The following CPSF4 variants were observed in gnomAD, a reference collection of about 807,000 sequenced individuals.
The protein encoded by CPSF4 is cleavage and polyadenylation specificity factor subunit 4.
A neutral mutation model predicts 37.7 loss-of-function variants in CPSF4; 11 were observed. The ratio of observed to expected loss-of-function variants is 0.29; its 90% CI spans 0.18 to 0.48. The LOEUF is 0.48. Among genes scored for constraint, CPSF4 ranks in the 20% least tolerant of loss-of-function variants. The pLI is 0.99. For synonymous variants in CPSF4, 132 were observed against 135.9 expected (o/e 0.97, Z 0.20); for missense variants, 144 against 359.5 (o/e 0.40, Z 4.85).
chr7:99,447,271 C>CTT (rs1351325327), intron 2 of CPSF4, among the ~76,000 whole-genome samples: 3 of 107,154 alleles, frequency 2.8e-5, no homozygotes, highest in South Asian at 2.6e-4. Context: ...TTTTTTTTTT[C>CTT]TTTTTTTTTT....
chr7:99,445,304 AC>A (rs776549367), intron 2 of CPSF4, among the ~76,000 whole-genome samples: 44 of 152,158 alleles, frequency 2.9e-4, no homozygotes, highest in Admixed American at 1.4e-3. Context: ...CACAGACTAC[AC>A]AAAACTACTG....
Position 99,439,007 on chromosome 7 carries a change from G to C in CPSF4, c.-76G>C. The stretch of plus-strand genomic sequence containing the variant: ...AGCGAAGGAGGAGTGTGTGCGGCGG[G>C]GCCGGCGGCGGGTAAAGGCGAGAAG... On this transcript the variant is annotated 5_prime_UTR_variant, in exon 1 of 8. Transcript: ENST00000292476. 2 of 1,438,514 alleles carry C rather than the reference G, an allele frequency of 1.4e-6. No homozygotes were observed. The highest frequency in any genetic ancestry group is 1.3e-5 in the South Asian group (1 of 76,614). 89.1% of individuals were successfully genotyped at this position (1,438,514 alleles called of 1,614,324 possible).
In CPSF4 at chr7:99,448,043, A is replaced by T; in HGVS notation, c.155-78A>T. 1 of 1,473,078 alleles carries T rather than the reference A, an allele frequency of 6.8e-7. No individual in the cohort carries two copies. Among genetic ancestry groups the T allele is most frequent in the Non-Finnish European group, 9.3e-7 (1 of 1,070,614 alleles). The allele number at this position is 1,473,078 out of a possible 1,614,324, so 91.3% of individuals were successfully genotyped here. A position where few individuals can be genotyped will look rare whatever the true frequency, so the allele number is the denominator to read the frequency against. On this transcript the variant is annotated intron_variant, in intron 2 of 7. Coordinates refer to ENST00000292476, the MANE Select transcript of CPSF4 (RefSeq NM_006693.4). The surrounding 1 kb of genome is among the most constrained non-coding windows in gnomAD (Gnocchi z 4.4). ...GCTCCAGGAGTTAGGAAGTGAAGGT[A>T]CCTCAGCTTCTTCAGGCCGTGTCCC...
At chr7:99,446,920 G>T (rs1006762903) in intron 2 of CPSF4, among the ~76,000 whole-genome samples, 7 of 151,250 alleles carry the variant, frequency 4.6e-5, no homozygotes, top group Non-Finnish European at 8.8e-5. Context: ...CTCCTGAGTA[G>T]CTGGGATTAC....
chr7:99,448,420 C>T lies in CPSF4; in HGVS notation c.307+147C>T. 2.5e-6 allele frequency: 2 copies of T among 793,024 alleles called. No individual in the cohort carries two copies. Among genetic ancestry groups the T allele is most frequent in the Non-Finnish European group, 3.8e-6 (2 of 524,666 alleles). The allele number at this position is 793,024 out of a possible 1,614,324, so 49.1% of individuals were successfully genotyped here. On this transcript the variant is annotated intron_variant, in intron 3 of 7. Coordinates refer to ENST00000292476, the MANE Select transcript of CPSF4 (RefSeq NM_006693.4). The surrounding 1 kb of genome is among the most constrained non-coding windows in gnomAD (Gnocchi z 4.4). ...TCTGGCAGAACCTGCCAGCCTCAGC[C>T]AGCTTTTAGGGGACAGTGTGGCTAT...
chr7:99,442,240 G>A (rs1797049412), intron 1 of CPSF4, among the ~76,000 whole-genome samples: 1 of 152,178 alleles, frequency 6.6e-6, no homozygotes, highest in African/African-American at 2.4e-5. Context: ...GGCAGCTGGG[G>A]CTGGTGAATT....
chr7:99,440,675 T>TATATATATATATATATATATATATG (rs1491236759), intron 1 of CPSF4, among the ~76,000 whole-genome samples: 16 of 74,800 alleles, frequency 2.1e-4, no homozygotes, highest in African/African-American at 7.4e-4. Flanking sequence ...TATATATATA[T>TATATATATATATATATATATATATG]TTTTTTTTTT....
At chr7:99,442,818 A>G (rs1242965783) in intron 1 of CPSF4, 1 of 863,044 alleles carries the variant, frequency 1.2e-6, no homozygotes, top group East Asian at 2.4e-5. Context: ...TTTAGTATAT[A>G]TGTGACCAAG....
chr7:99,445,622 G>A (rs779088792), intron 2 of CPSF4, among the ~76,000 whole-genome samples: 2 of 152,180 alleles, frequency 1.3e-5, no homozygotes, highest in African/African-American at 2.4e-5. Flanking sequence ...GGTGGCTTAC[G>A]CCTGTAATCC....
intron 1 of CPSF4, among the ~76,000 whole-genome samples, chr7:99,442,430 G>A (rs1797068623): frequency 6.6e-6 from 1 of 151,994 alleles, no homozygotes; most frequent in African/African-American, 2.4e-5. Flanking sequence ...GCCGAGGCGG[G>A]CGGATCACGA....
At position 99,452,448 on chromosome 7, in the gene CPSF4, G is replaced by A. The variant is rs774597125; in HGVS notation, c.570+8G>A. Reference sequence around the variant, plus strand: ...ACACAGCCTCCAGCAAAGGTACCGTGCCTGGCCTTCCTCGGTAGGAAGGAA... The same window carrying A: ...ACACAGCCTCCAGCAAAGGTACCGTACCTGGCCTTCCTCGGTAGGAAGGAA... On this transcript the variant is annotated splice_region_variant and intron_variant, in intron 6 of 7. Transcript: ENST00000292476. 3.3e-5 allele frequency: 54 copies of A among 1,613,076 alleles called. No individual in the cohort carries two copies. The highest frequency in any genetic ancestry group is 4.2e-5 in the Non-Finnish European group (49 of 1,179,336).
At position 99,456,636 on chromosome 7, in the gene CPSF4, C is replaced by A; in HGVS notation, c.*136C>A. 1 of 738,482 alleles carries A rather than the reference C, an allele frequency of 1.4e-6. No homozygotes were observed. The highest frequency in any genetic ancestry group is 2.4e-6 in the Non-Finnish European group (1 of 415,452). The allele number at this position is 738,482 out of a possible 1,614,324, so 45.7% of individuals were successfully genotyped here. On this transcript the variant is annotated 3_prime_UTR_variant, in exon 8 of 8. Transcript: ENST00000292476. ...ACGTGGGTTTCATCACTCTGAGGGG[C>A]CACGTCTGTTAGTTTCCTATCATTT...
chr7:99,455,113 T>C (rs191568743), intron 7 of CPSF4, among the ~76,000 whole-genome samples: 48 of 152,038 alleles, frequency 3.2e-4, no homozygotes, highest in African/African-American at 1.1e-3. Flanking sequence ...TTAGCTGTTA[T>C]CTTGCCACCC....
At chr7:99,447,719 A>C (rs1002940135) in intron 2 of CPSF4, 15 of 409,352 alleles carry the variant, frequency 3.7e-5, no homozygotes, top group African/African-American at 3.1e-4. Flanking sequence ...CCTCCCGAGT[A>C]GCTGGGACTA....
intron 7 of CPSF4, 83 bp downstream of exon 7, chr7:99,454,219 A>G (rs778460888): frequency 4.8e-6 from 6 of 1,259,698 alleles, no homozygotes; most frequent in Non-Finnish European, 6.6e-6. Context: ...GTTTGGTGAA[A>G]TGAGAAAAAT....
In CPSF4 at chr7:99,453,974, C is replaced by T. The variant is rs1456810014; in HGVS notation, c.579C>T (p.Asn193=). 1.9e-6 allele frequency: 3 copies of T among 1,613,914 alleles called. No homozygotes were observed. Among genetic ancestry groups the T allele is most frequent in the Non-Finnish European group, 2.5e-6 (3 of 1,179,904 alleles). ...QQTQPPAKQS[N]NPPLQRSSSL... ...TGTGTAACTCTTTCCAGCAAAGTAA[C>T]AATCCGCCATTACAAAGGTCGTCCT... Residue 193 remains asparagine, a synonymous_variant, in exon 7 of 8, where the codon AAC becomes AAT. Coordinates refer to ENST00000292476, the MANE Select transcript of CPSF4 (RefSeq NM_006693.4). This position sits in a 1 kb window ranked among gnomAD's most constrained non-coding sequence, Gnocchi z 4.7.
Position 99,448,534 on chromosome 7 carries a change from G to A in CPSF4, c.307+261G>A, listed in dbSNP as rs374221880. The A allele has an allele frequency of 6.0e-6, 2 of 333,876 alleles. No homozygotes were observed. Among genetic ancestry groups the A allele is most frequent in the East Asian group, 6.2e-5 (1 of 16,086 alleles). 20.7% of individuals were successfully genotyped at this position (333,876 alleles called of 1,614,324 possible). A position where few individuals can be genotyped will look rare whatever the true frequency, so the allele number is the denominator to read the frequency against. On this transcript the variant is annotated intron_variant, in intron 3 of 7. Coordinates refer to ENST00000292476, the MANE Select transcript of CPSF4 (RefSeq NM_006693.4). This position sits in a 1 kb window ranked among gnomAD's most constrained non-coding sequence, Gnocchi z 4.4. ...ATACTGGTCTTGAACTCCTGGGCTCGAGTGATCTGCCTGCCTCAGCCTCCC... is the reference window on the plus strand; with the variant it reads ...ATACTGGTCTTGAACTCCTGGGCTCAAGTGATCTGCCTGCCTCAGCCTCCC...
chr7:99,441,404 C>T (rs776786399), intron 1 of CPSF4: 10 of 456,114 alleles, frequency 2.2e-5, no homozygotes, highest in African/African-American at 4.0e-5. Context: ...TCCTGAGGCC[C>T]GGGACACACC....
chr7:99,454,855 A>G (rs1798195701), intron 7 of CPSF4, among the ~76,000 whole-genome samples: 1 of 152,148 alleles, frequency 6.6e-6, no homozygotes, highest in African/African-American at 2.4e-5. Context: ...GGCGCACACA[A>G]TTCCTACAGC....
Sources: allele counts gnomAD v4.1 joint callset (sites outside exome capture counted in the v4.1 genomes callset), GRCh38; gene constraint gnomAD v4.1.1; non-coding constraint Gnocchi (gnomAD v3.1); transcripts MANE v1.5; gene names NCBI Gene and HGNC (gene_info 2026-07-23, HGNC 2026-07-21).